CHRNA7: variants seen among roughly 807,000 people sequenced by gnomAD.
CHRNA7 encodes cholinergic receptor nicotinic alpha 7 subunit, also known as neuronal acetylcholine receptor subunit alpha-7.
Under a neutral mutation model 48.0 loss-of-function variants are expected in CHRNA7, and 17 were observed. The observed-to-expected ratio is 0.35, with a 90% CI of 0.24 to 0.53. The LOEUF is 0.53. CHRNA7 is among the 20% of genes least tolerant of loss of function. The probability of loss-of-function intolerance (pLI) is 0.92; values close to 1 mark genes in which losing one functional copy is unlikely to be tolerated. For synonymous variants in CHRNA7, 75 were observed against 242.3 expected (o/e 0.31, Z 6.41); for missense variants, 155 against 577.7 (o/e 0.27, Z 7.50).
chr15:32,043,846 C>T (rs118112935), intron 2 of CHRNA7, among the ~76,000 whole-genome samples: 4 of 152,118 alleles, frequency 2.6e-5, no homozygotes, highest in Admixed American at 2.6e-4. Context: ...ACTTCTCTTT[C>T]TTGAGAGTCT....
intron 2 of CHRNA7, among the ~76,000 whole-genome samples, chr15:32,093,983 C>A (rs920049200): frequency 6.6e-6 from 1 of 152,200 alleles, no homozygotes; most frequent in African/African-American, 2.4e-5. Context: ...AGACTGCAGT[C>A]TCTGCCTCAG....
chr15:32,087,552 T>G (rs1253886471), intron 2 of CHRNA7, among the ~76,000 whole-genome samples: 1 of 152,202 alleles, frequency 6.6e-6, no homozygotes, highest in Non-Finnish European at 1.5e-5. Flanking sequence ...GTGTATATAG[T>G]AGTTCATATA....
chr15:32,137,035 A>AAAAAATAAAAATT (rs2051277636), intron 4 of CHRNA7, among the ~76,000 whole-genome samples: 3 of 147,190 alleles, frequency 2.0e-5, no homozygotes, highest in African/African-American at 7.6e-5. Context: ...CCGTCTCAAA[A>AAAAAATAAAAATT]AAAAAAAAAA....
At chr15:32,108,190 G>C (rs1595455670) in intron 3 of CHRNA7, among the ~76,000 whole-genome samples, 1 of 152,022 alleles carries the variant, frequency 6.6e-6, no homozygotes. Context: ...CCAGGTGCCA[G>C]AGCCATGGAA....
chr15:32,063,561 G>A (rs368870338), intron 2 of CHRNA7, among the ~76,000 whole-genome samples: 7 of 152,110 alleles, frequency 4.6e-5, no homozygotes, highest in African/African-American at 9.7e-5. Context: ...AAGCCTTGCC[G>A]TCTGGAGTTA....
chr15:32,127,517 T>C (rs1213095343), intron 4 of CHRNA7, among the ~76,000 whole-genome samples: 3 of 152,118 alleles, frequency 2.0e-5, no homozygotes, highest in Admixed American at 6.6e-5. Flanking sequence ...TGATAACCCA[T>C]TGTGTTTTTA....
rs71113441 is a variant in CHRNA7 at position 32,070,669 on chromosome 15, C to CTTTTTTTTTTTTTTTTTTTTTT, written c.196-30620_196-30599dup. 9.8e-5 allele frequency among the ~76,000 whole-genome samples: 4 copies of CTTTTTTTTTTTTTTTTTTTTTT among 40,850 alleles called. 1 individual carries two copies. The highest frequency in any genetic ancestry group is 3.7e-4 in the African/African-American group (4 of 10,742). The allele number at this position is 40,850 out of a possible 152,430, so 26.8% of individuals were successfully genotyped here. ...TGTGTGAACATGTGAGGTTTAGTTCCTTTTTTTTTTTTTTTTTTTTTTTTT... is the reference window on the plus strand; with the variant it reads ...TGTGTGAACATGTGAGGTTTAGTTCCTTTTTTTTTTTTTTTTTTTTTTTTTTTTTTTTTTTTTTTTTTTTTTT... On this transcript the variant is annotated intron_variant, in intron 2 of 9. Transcript: ENST00000306901.
At chr15:32,043,333 T>C (rs995228808) in intron 2 of CHRNA7, among the ~76,000 whole-genome samples, 4 of 152,210 alleles carry the variant, frequency 2.6e-5, no homozygotes, top group Non-Finnish European at 4.4e-5. Flanking sequence ...TGATAATCTT[T>C]GTATTTTAGT....
Position 32,101,535 on chromosome 15 carries a change from C to T in CHRNA7, c.240+188C>T, listed in dbSNP as rs539869422. On this transcript the variant is annotated intron_variant, in intron 3 of 9. Transcript: ENST00000306901. ...AATGAATGCTGGCTGTATGACACTA[C>T]AGTCTGCAGTGCTCAACACATGCAC... is the stretch of plus-strand genomic sequence containing the variant. The T allele has an allele frequency of 9.9e-5, 62 of 625,716 alleles. No individual in the cohort carries two copies. In the African/African-American group the frequency reaches 1.0e-3, roughly 10 times the overall value. 38.8% of individuals were successfully genotyped at this position (625,716 alleles called of 1,614,324 possible). A position where few individuals can be genotyped will look rare whatever the true frequency, so the allele number is the denominator to read the frequency against.
At chr15:32,035,532 G>A (rs994642103) in intron 2 of CHRNA7, among the ~76,000 whole-genome samples, 6 of 152,200 alleles carry the variant, frequency 3.9e-5, no homozygotes, top group African/African-American at 1.4e-4. Context: ...ATGCACTTAC[G>A]TTTTGGCACT....
chr15:32,129,710 T>G (rs2141314735), intron 4 of CHRNA7, among the ~76,000 whole-genome samples: 1 of 151,918 alleles, frequency 6.6e-6, no homozygotes, highest in East Asian at 1.9e-4. Context: ...TTTTCTCTTC[T>G]CCGTGTCAGT....
chr15:32,134,175 C>T (rs74424453), intron 4 of CHRNA7, among the ~76,000 whole-genome samples: 2 of 148,894 alleles, frequency 1.3e-5, no homozygotes, highest in Non-Finnish European at 3.0e-5. Context: ...TTTTTTTTTT[C>T]TGAGACTGAG....
chr15:32,041,027 C>G (rs191597063), intron 2 of CHRNA7, among the ~76,000 whole-genome samples: 1 of 151,772 alleles, frequency 6.6e-6, no homozygotes, highest in Non-Finnish European at 1.5e-5. Context: ...GTAATTCTTA[C>G]CTTTTTGGTC....
chr15:32,035,878 A>G (rs1902059279), intron 2 of CHRNA7, among the ~76,000 whole-genome samples: 2 of 152,168 alleles, frequency 1.3e-5, no homozygotes, highest in Non-Finnish European at 1.5e-5. Flanking sequence ...AACATTCCCC[A>G]CTAGAGTAGT....
intron 3 of CHRNA7, among the ~76,000 whole-genome samples, chr15:32,106,720 C>T (rs1595453739): frequency 6.6e-6 from 1 of 152,186 alleles, no homozygotes; most frequent in African/African-American, 2.4e-5. Context: ...AAACACCTGT[C>T]TTCTGTCATT....
At chr15:32,036,816 T>C (rs1046191037) in intron 2 of CHRNA7, among the ~76,000 whole-genome samples, 1 of 151,798 alleles carries the variant, frequency 6.6e-6, no homozygotes, top group Admixed American at 6.6e-5. Flanking sequence ...AGAGTTTTTG[T>C]ATATTTTTGA....
intron 4 of CHRNA7, among the ~76,000 whole-genome samples, chr15:32,152,915 T>G (rs894139869): frequency 2.0e-5 from 3 of 152,020 alleles, no homozygotes; most frequent in South Asian, 2.1e-4. Flanking sequence ...TGTGTGTGTG[T>G]GGGTGTGTGT....
intron 3 of CHRNA7, among the ~76,000 whole-genome samples, chr15:32,109,189 G>C (rs1465896074): frequency 6.6e-6 from 1 of 152,196 alleles, no homozygotes; most frequent in African/African-American, 2.4e-5. Context: ...GCTGAACAAG[G>C]GGTGGATTAT....
chr15:32,094,664 T>G (rs1335347899), intron 2 of CHRNA7, among the ~76,000 whole-genome samples: 2 of 59,152 alleles, frequency 3.4e-5, no homozygotes, highest in Admixed American at 2.0e-4. Context: ...CTTTTTCTTT[T>G]TCTTTTTTTT....
Sources: allele counts gnomAD v4.1 joint callset (sites outside exome capture counted in the v4.1 genomes callset), GRCh38; gene constraint gnomAD v4.1.1; transcripts MANE v1.5; gene names NCBI Gene and HGNC (gene_info 2026-07-23, HGNC 2026-07-21).